TYRP1: variants seen among roughly 807,000 people sequenced by gnomAD.
TYRP1 encodes the protein tyrosinase related protein 1.
In TYRP1, 49 loss-of-function variants were observed where a neutral mutation model predicts 42.8. The ratio of observed to expected loss-of-function variants is 1.14; its 90% confidence interval spans 0.91 to 1.45. TYRP1 has a LOEUF of 1.45. TYRP1 is among the 40% of genes most tolerant of loss of function. The pLI is 0.00. For missense variants in TYRP1, 848 were observed against 662.0 expected (o/e 1.28, Z -3.08); for synonymous variants, 279 against 235.4 (o/e 1.19, Z -1.69).
rs139670838 is a variant in TYRP1 at position 12,694,160 on chromosome 9, G to A, written c.164G>A (p.Arg55His). 104 of 1,613,988 alleles carry A rather than the reference G, an allele frequency of 6.4e-5. No individual in the cohort carries two copies. Among genetic ancestry groups the A allele is most frequent in the African/African-American group, 3.1e-4 (23 of 75,010 alleles). ...CCTGTGTCTGGGCCTGGGACAGACC[G>A]CTGTGGCTCATCATCAGGGAGGGGC... is the stretch of plus-strand genomic sequence containing the variant. ...LSPVSGPGTD[R>H]CGSSSGRGRC... The change falls in exon 2 of 8, where the codon CGC becomes CAC. Residue 55 changes from arginine to histidine, a missense_variant. Coordinates refer to ENST00000388918, the MANE Select transcript of TYRP1 (RefSeq NM_000550.3).
chr9:12,694,576 C>T (rs1187747324), intron 2 of TYRP1, 195 bp downstream of exon 2: 1 of 658,940 alleles, frequency 1.5e-6, no homozygotes, highest in African/African-American at 1.8e-5. Flanking sequence ...AAGCTCAGAA[C>T]TTCTGATCAA....
rs946429312 is a variant in TYRP1 at position 12,709,646 on chromosome 9, G to C, written c.*464G>C. The C allele has an allele frequency of 3.6e-4, 47 of 130,486 alleles. No individual in the cohort carries two copies. Among genetic ancestry groups the C allele is most frequent in the African/African-American group, 1.1e-3 (44 of 39,882 alleles). 8.1% of individuals were successfully genotyped at this position (130,486 alleles called of 1,614,324 possible). A position where few individuals can be genotyped will look rare whatever the true frequency, so the allele number is the denominator to read the frequency against. ...AAGAAAACCACAGTTATTAATTAAAGAAAATTAATTATGTGTAGTTATAAA... is the reference window on the plus strand; with the variant it reads ...AAGAAAACCACAGTTATTAATTAAACAAAATTAATTATGTGTAGTTATAAA... On this transcript the variant is annotated 3_prime_UTR_variant, in exon 8 of 8. Coordinates refer to ENST00000388918, the MANE Select transcript of TYRP1 (RefSeq NM_000550.3).
chr9:12,709,343 C>A lies in TYRP1; in HGVS notation c.*161C>A, dbSNP rs549389872. 2.7e-6 allele frequency: 2 copies of A among 735,596 alleles called. No individual in the cohort carries two copies. The highest frequency in any genetic ancestry group is 4.5e-6 in the Non-Finnish European group (2 of 441,572). 45.6% of individuals were successfully genotyped at this position (735,596 alleles called of 1,614,324 possible). A position where few individuals can be genotyped will look rare whatever the true frequency, so the allele number is the denominator to read the frequency against. ...GGCATACTTTTCAAAGCTGGGAAGA[C>A]CCTTTCAGAATCTTTTCAATGGGTT... On this transcript the variant is annotated 3_prime_UTR_variant, in exon 8 of 8. Coordinates refer to ENST00000388918, the MANE Select transcript of TYRP1 (RefSeq NM_000550.3).
At chr9:12,708,266 G>C in intron 7 of TYRP1, 123 bp downstream of exon 7, 1 of 1,229,000 alleles carries the variant, frequency 8.1e-7, no homozygotes. Context: ...ACTTTCATTT[G>C]TACTTTTATT....
chr9:12,708,225 C>G (rs1818292931), intron 7 of TYRP1, 82 bp downstream of exon 7: 2 of 1,522,624 alleles, frequency 1.3e-6, no homozygotes, highest in African/African-American at 2.8e-5. Context: ...TCACGGTATT[C>G]TGAAGCTATG....
intron 6 of TYRP1, among the ~76,000 whole-genome samples, chr9:12,705,550 C>A (rs1818244050): frequency 6.6e-6 from 1 of 151,888 alleles, no homozygotes; most frequent in Non-Finnish European, 1.5e-5. Flanking sequence ...TAGTTTGTTC[C>A]ATCAAAAATT....
chr9:12,708,040 T>C lies in TYRP1; in HGVS notation c.1305T>C (p.Asn435=), dbSNP rs754022916. Residue 435 remains asparagine (N), a synonymous_variant, in exon 7 of 8, where the codon AAT becomes AAC. Coordinates refer to ENST00000388918, the MANE Select transcript of TYRP1 (RefSeq NM_000550.3). ...TGGAAAATGCCCCTATTGGACATAA[T>C]AGACAATACAACATGGTGCCATTCT... The part of the protein sequence containing the change: ...FPLENAPIGH[N]RQYNMVPFWP... The C allele has an allele frequency of 6.2e-6, 10 of 1,612,652 alleles. No homozygotes were observed. In the East Asian group the frequency reaches 8.9e-5, roughly 14 times the overall value.
At chr9:12,705,094 T>G (rs1019784472) in intron 6 of TYRP1, among the ~76,000 whole-genome samples, 3 of 151,992 alleles carry the variant, frequency 2.0e-5, no homozygotes, top group African/African-American at 7.2e-5. Flanking sequence ...GACTAAAAAT[T>G]TTATACCCAT....
chr9:12,697,818 T>C (rs1432826301), intron 3 of TYRP1, among the ~76,000 whole-genome samples: 1 of 152,156 alleles, frequency 6.6e-6, no homozygotes, highest in Non-Finnish European at 1.5e-5. Context: ...CTGTTTAGCA[T>C]TTTTATCAGT....
intron 4 of TYRP1, 84 bp downstream of exon 4, chr9:12,698,739 A>G: frequency 1.5e-6 from 2 of 1,293,462 alleles, no homozygotes; most frequent in African/African-American, 1.5e-5. Context: ...CCTTCATTCT[A>G]CTAGAGAATT....
Position 12,708,117 on chromosome 9 carries a change from G to A in TYRP1, c.1382G>A (p.Gly461Glu), listed in dbSNP as rs765272929. The A allele has an allele frequency of 2.5e-6, 4 of 1,612,698 alleles. No homozygotes were observed. In the South Asian group the frequency reaches 3.3e-5, roughly 13 times the overall value. The change falls in exon 7 of 8, where the codon GGA becomes GAA. Residue 461 changes from glycine (G) to glutamate (E), a missense_variant. Gly to Glu is a moderately conservative substitution (Grantham distance 98, BLOSUM62 -2). Transcript: ENST00000388918. ...EMFVTAPDNL[G>E]YTYEIQWPSR... ...TTTGTTACTGCTCCAGACAACCTGG[G>A]ATACACTTATGAAATTCAATGGCCA...
At chr9:12,707,765 C>T (rs577141383) in intron 6 of TYRP1, 45 of 422,668 alleles carry the variant, frequency 1.1e-4, no homozygotes, top group African/African-American at 8.0e-4. Context: ...AACTCCCCTG[C>T]TTTTAAACTC....
chr9:12,706,954 A>G (rs1818268236), intron 6 of TYRP1, among the ~76,000 whole-genome samples: 1 of 151,984 alleles, frequency 6.6e-6, no homozygotes, highest in Non-Finnish European at 1.5e-5. Context: ...TACACTTTAC[A>G]GATAAAGAAA....
intron 6 of TYRP1, among the ~76,000 whole-genome samples, chr9:12,706,068 C>T (rs1018141721): frequency 6.6e-6 from 1 of 151,984 alleles, no homozygotes. Context: ...AAACAACATC[C>T]TTCTCTTTGT....
rs1205785638 is a variant in TYRP1, at chr9:12,698,533, A to T, written c.791A>T (p.Asp264Val). The T allele has an allele frequency of 4.3e-6, 7 of 1,613,716 alleles. No individual in the cohort carries two copies. Among genetic ancestry groups the T allele is most frequent in the Non-Finnish European group, 5.9e-6 (7 of 1,179,856 alleles). The change falls in exon 4 of 8, where the codon GAC becomes GTC. Residue 264 changes from aspartate to valine, a missense_variant. Transcript: ENST00000388918. Reference protein sequence around the residue: ...GKNVCDICTDDLMGSRSNFDS... With the variant: ...GKNVCDICTDVLMGSRSNFDS... The stretch of plus-strand genomic sequence containing the variant: ...AATGTCTGTGATATCTGCACGGATG[A>T]CTTGATGGGATCCAGAAGCAACTTT...
chr9:12,702,085 C>T (rs1818178464), intron 4 of TYRP1, among the ~76,000 whole-genome samples, 186 bp from the exon 5 acceptor site: 1 of 151,828 alleles, frequency 6.6e-6, no homozygotes. Context: ...CTACTTGATT[C>T]AAAGAAATGG....
intron 6 of TYRP1, among the ~76,000 whole-genome samples, chr9:12,707,103 A>C (rs41303669): frequency 6.6e-6 from 1 of 152,066 alleles, no homozygotes; most frequent in African/African-American, 2.4e-5. Flanking sequence ...ATACACATTC[A>C]ATTCAATTCC....
At chr9:12,697,320 G>C (rs763114554) in intron 3 of TYRP1, among the ~76,000 whole-genome samples, 2 of 152,142 alleles carry the variant, frequency 1.3e-5, no homozygotes, top group African/African-American at 2.4e-5. Context: ...GTAATTCGTG[G>C]TTGAAATGCC....
At position 12,702,322 on chromosome 9, in the gene TYRP1, C is replaced by G; in HGVS notation, c.965C>G (p.Pro322Arg). 1.2e-6 allele frequency: 2 copies of G among 1,613,150 alleles called. No individual in the cohort carries two copies. Among genetic ancestry groups the G allele is most frequent in the Non-Finnish European group, 1.7e-6 (2 of 1,179,496 alleles). Residue 322 changes from proline (P) to arginine (R), a missense_variant, in exon 5 of 8, where the codon CCA becomes CGA. Pro to Arg is a moderately radical substitution (Grantham distance 103). Coordinates refer to ENST00000388918, the MANE Select transcript of TYRP1 (RefSeq NM_000550.3). ...AATCCAGCTGGAAATGTGGCCAGAC[C>G]AATGGTGCAACGTCTTCCTGAACCA... Reference protein sequence around the residue: ...RRNPAGNVARPMVQRLPEPQD... With the variant: ...RRNPAGNVARRMVQRLPEPQD...
Sources: allele counts gnomAD v4.1 joint callset (sites outside exome capture counted in the v4.1 genomes callset), GRCh38; gene constraint gnomAD v4.1.1; transcripts MANE v1.5; gene names NCBI Gene and HGNC (gene_info 2026-07-23, HGNC 2026-07-21).